Variants in ASTN2 observed in about 807,000 individuals in gnomAD.
ASTN2 encodes the protein astrotactin-2.
A neutral mutation model predicts 139.8 loss-of-function variants in ASTN2; 54 were observed. That is an observed-to-expected ratio of 0.39 (90% CI 0.31 to 0.48). ASTN2 has a LOEUF of 0.48. Ranked by LOEUF, ASTN2 falls within the 20% of genes least tolerant of loss-of-function variation. ASTN2 has a pLI of 0.95. For synonymous variants in ASTN2, 756 were observed against 719.5 expected (o/e 1.05, Z -0.81); for missense variants, 1,565 against 1,725.1 (o/e 0.91, Z 1.64).
chr9:116,872,828 G>A (rs558519504), intron 10 of ASTN2, among the ~76,000 whole-genome samples: 28 of 152,240 alleles, frequency 1.8e-4, no homozygotes, highest in African/African-American at 6.5e-4. Flanking sequence ...TGATTGAGGG[G>A]CTTCAAGAGA....
intron 16 of ASTN2, among the ~76,000 whole-genome samples, chr9:116,718,388 T>C (rs960762216): frequency 1.3e-5 from 2 of 152,106 alleles, no homozygotes; most frequent in Non-Finnish European, 2.9e-5. Flanking sequence ...GGGAAGGAAT[T>C]TGCAAATTAT....
Position 116,917,447 on chromosome 9 carries a change from A to G in ASTN2, c.1890-53714T>C, listed in dbSNP as rs1588409848. On this transcript the variant is annotated intron_variant, in intron 10 of 22. Coordinates refer to ENST00000313400, the MANE Select transcript of ASTN2 (RefSeq NM_001365068.1). ...TTAGATTACTATAGATGACCCATCAATGTTTACTGAGTGAATAAACAAATG... is the reference window on the plus strand; with the variant it reads ...TTAGATTACTATAGATGACCCATCAGTGTTTACTGAGTGAATAAACAAATG... 2.0e-5 allele frequency among the ~76,000 whole-genome samples: 3 copies of G among 152,324 alleles called. No individual in the cohort carries two copies. The South Asian group carries it at 6.2e-4, about 32-fold the overall frequency.
chr9:117,211,853 G>A (rs544552647), intron 3 of ASTN2, among the ~76,000 whole-genome samples: 7 of 152,052 alleles, frequency 4.6e-5, no homozygotes, highest in African/African-American at 1.7e-4. Context: ...TAACCAAAGA[G>A]GTAAAAGATC....
intron 2 of ASTN2, among the ~76,000 whole-genome samples, chr9:117,232,778 G>T (rs557150752): frequency 6.6e-6 from 1 of 151,912 alleles, no homozygotes; most frequent in African/African-American, 2.4e-5. Flanking sequence ...TTCTCCCTTT[G>T]TTGGGAGCAA....
At chr9:116,481,753 C>T (rs73655132) in intron 20 of ASTN2, among the ~76,000 whole-genome samples, 2,711 of 152,254 alleles carry the variant, frequency 0.018, 97 homozygotes, top group African/African-American at 0.063. Context: ...AGTACCCCCA[C>T]CTCCCATCTA....
intron 7 of ASTN2, among the ~76,000 whole-genome samples, chr9:117,004,777 T>C (rs1453834242): frequency 2.6e-5 from 4 of 152,100 alleles, no homozygotes; most frequent in Non-Finnish European, 5.9e-5. Context: ...ATAACAATTA[T>C]AGGGGGAAGC....
chr9:116,678,551 A>G (rs1349146821), intron 16 of ASTN2, among the ~76,000 whole-genome samples: 1 of 152,194 alleles, frequency 6.6e-6, no homozygotes, highest in African/African-American at 2.4e-5. Context: ...TGTCTAGTTC[A>G]GAGGGTTTTA....
At chr9:116,691,602 C>G (rs1482433403) in intron 16 of ASTN2, among the ~76,000 whole-genome samples, 1 of 152,204 alleles carries the variant, frequency 6.6e-6, no homozygotes, top group African/African-American at 2.4e-5. Flanking sequence ...CAGACTGGTA[C>G]AACTTCAGGA....
chr9:116,619,680 C>A (rs1856028157), intron 18 of ASTN2, among the ~76,000 whole-genome samples: 1 of 146,118 alleles, frequency 6.8e-6, no homozygotes. Context: ...TGTGCCACCA[C>A]ACGGGCTATT....
At chr9:117,365,315 A>AAGAAAGAAAGAAAG (rs373034464) in intron 1 of ASTN2, among the ~76,000 whole-genome samples, 1 of 147,458 alleles carries the variant, frequency 6.8e-6, no homozygotes, top group Non-Finnish European at 1.5e-5. Context: ...AAGAAAGAAA[A>AAGAAAGAAAGAAAG]AGAAAGAAAG....
At chr9:117,349,259 A>T (rs7862181) in intron 1 of ASTN2, among the ~76,000 whole-genome samples, 56,007 of 152,038 alleles carry the variant, frequency 0.37, 10,812 homozygotes, top group African/African-American at 0.45. Flanking sequence ...GGTAAGGAAC[A>T]TGATCGTCTC....
intron 12 of ASTN2, among the ~76,000 whole-genome samples, chr9:116,808,951 T>A (rs1302045847): frequency 6.6e-6 from 1 of 152,180 alleles, no homozygotes; most frequent in Non-Finnish European, 1.5e-5. Context: ...CTATAGATTA[T>A]CCATTAATAT....
At chr9:116,576,658 C>T (rs921741918) in intron 19 of ASTN2, among the ~76,000 whole-genome samples, 3 of 151,954 alleles carry the variant, frequency 2.0e-5, no homozygotes, top group Admixed American at 1.3e-4. Context: ...TGTTGGTACT[C>T]TGTGTGCCTG....
intron 5 of ASTN2, among the ~76,000 whole-genome samples, chr9:117,071,125 T>C (rs558923687): frequency 1.3e-5 from 2 of 150,156 alleles, no homozygotes; most frequent in Non-Finnish European, 3.0e-5. Flanking sequence ...TCTGTTTTTT[T>C]CCCCATCTTT....
chr9:116,509,556 T>C (rs1327713364), intron 19 of ASTN2, among the ~76,000 whole-genome samples: 1 of 152,244 alleles, frequency 6.6e-6, no homozygotes, highest in African/African-American at 2.4e-5. Flanking sequence ...ATGGTATTTC[T>C]GGTTCTAGAT....
intron 3 of ASTN2, among the ~76,000 whole-genome samples, chr9:117,206,268 T>C (rs1484249050): frequency 1.3e-5 from 2 of 152,104 alleles, no homozygotes; most frequent in Admixed American, 1.3e-4. Flanking sequence ...CTGGCCTGGA[T>C]TAGATTTGCC....
At chr9:116,994,138 T>C (rs1216526139) in intron 7 of ASTN2, among the ~76,000 whole-genome samples, 1 of 152,068 alleles carries the variant, frequency 6.6e-6, no homozygotes, top group East Asian at 1.9e-4. Context: ...AGACCAGGAA[T>C]TGGCAAAATT....
intron 16 of ASTN2, chr9:116,697,225 C>A: frequency 6.2e-6 from 1 of 160,518 alleles, no homozygotes; most frequent in Non-Finnish European, 1.4e-5. Context: ...TAAAATTCAC[C>A]AAATATGAAA....
chr9:116,826,697 A>G (rs1831637200), intron 11 of ASTN2, among the ~76,000 whole-genome samples: 2 of 152,264 alleles, frequency 1.3e-5, no homozygotes, highest in African/African-American at 4.8e-5. Context: ...CTAGCTTCTA[A>G]GCAAGCCAAC....
Sources: gnomAD v4.1 joint callset for allele counts (sites outside exome capture counted in the v4.1 genomes callset) on GRCh38, gnomAD v4.1.1 for gene constraint, MANE v1.5 for transcripts, NCBI Gene and HGNC (gene_info 2026-07-23, HGNC 2026-07-21) for gene names.